GPRC6A: variants seen among roughly 807,000 people sequenced by gnomAD.
The protein encoded by GPRC6A is G protein-coupled receptor family C group 6 member A.
In GPRC6A, 54 loss-of-function variants were observed where a neutral mutation model predicts 47.0. The ratio of observed to expected loss-of-function variants is 1.15; its 90% CI spans 0.92 to 1.44. The LOEUF is 1.44. Ranked by LOEUF, GPRC6A falls within the 40% of genes most tolerant of loss-of-function variation. The probability of loss-of-function intolerance (pLI) is 0.00; values close to 1 mark genes in which losing one functional copy is unlikely to be tolerated. For synonymous variants in GPRC6A, 347 were observed against 377.1 expected (o/e 0.92, Z 0.93); for missense variants, 1,112 against 1,105.5 (o/e 1.01, Z -0.08).
At chr6:116,805,256 A>T (rs73765863) in intron 3 of GPRC6A, among the ~76,000 whole-genome samples, 191 of 152,132 alleles carry the variant, frequency 1.3e-3, no homozygotes, top group African/African-American at 4.4e-3. Context: ...GGTGAAAAGT[A>T]GTTTAAAAGT....
Position 116,809,433 on chromosome 6 carries a change from C to T in GPRC6A, c.379G>A (p.Val127Met). 1 of 1,613,614 alleles carries T rather than the reference C, an allele frequency of 6.2e-7. No individual in the cohort carries two copies. The highest frequency in any genetic ancestry group is 8.5e-7 in the Non-Finnish European group (1 of 1,179,676). Residue 127 changes from valine to methionine, a missense_variant, in exon 2 of 6, where the codon GTG becomes ATG. Val to Met is a conservative substitution (Grantham distance 21, BLOSUM62 1). Coordinates refer to ENST00000310357, the MANE Select transcript of GPRC6A (RefSeq NM_148963.4). The stretch of plus-strand genomic sequence containing the variant: ...CTGGAATAGTCACACTTAAACTCCA[C>T]AGTTTCTCTGGAGCAGTTGAATTTA... ...LSKFNCSRET[V>M]EFKCDYSSYM...
chr6:116,800,876 T>C, intron 3 of GPRC6A, 80 bp from the exon 4 acceptor site: 2 of 791,014 alleles, frequency 2.5e-6, no homozygotes, highest in East Asian at 2.6e-5. Context: ...AACACTGCCT[T>C]ATAAAGCATA....
At position 116,792,099 on chromosome 6, in the gene GPRC6A, T is replaced by C; in HGVS notation, c.*43A>G. On this transcript the variant is annotated 3_prime_UTR_variant, in exon 6 of 6. Transcript: ENST00000310357. ...ATTTATATCTTAGATGCAAAGACCCTGGAAACATTTTATTCTGGAATGTGG... is the reference window on the plus strand; with the variant it reads ...ATTTATATCTTAGATGCAAAGACCCCGGAAACATTTTATTCTGGAATGTGG... 6.6e-7 allele frequency: 1 copy of C among 1,519,496 alleles called. No homozygotes were observed. Among genetic ancestry groups the C allele is most frequent in the Non-Finnish European group, 8.9e-7 (1 of 1,120,552 alleles). 94.1% of individuals were successfully genotyped at this position (1,519,496 alleles called of 1,614,324 possible).
intron 1 of GPRC6A, 98 bp from the exon 2 acceptor site, chr6:116,809,715 A>G: frequency 1.4e-6 from 1 of 739,350 alleles, no homozygotes; most frequent in South Asian, 1.8e-5. Flanking sequence ...CAATTTCTGG[A>G]TGAGTGAAGC....
At chr6:116,825,278 A>C (rs1052433850) in intron 1 of GPRC6A, among the ~76,000 whole-genome samples, 1 of 152,052 alleles carries the variant, frequency 6.6e-6, no homozygotes, top group Non-Finnish European at 1.5e-5. Context: ...TACACATTGA[A>C]ATAGAGGAAG....
intron 1 of GPRC6A, among the ~76,000 whole-genome samples, chr6:116,821,942 A>C (rs1198652326): frequency 6.7e-6 from 1 of 149,362 alleles, no homozygotes; most frequent in Non-Finnish European, 1.5e-5. Context: ...AATGGGAGAA[A>C]ATTTTCACAA....
Position 116,795,703 on chromosome 6 carries a change from T to C in GPRC6A, c.1672+9A>G. On this transcript the variant is annotated intron_variant, in intron 5 of 5. Transcript: ENST00000310357. ...ATGATTCAGGTGTATGTGGAGTGAC[T>C]GTGATTACCTGTCTGATTAGTGTAA... 4.4e-6 allele frequency: 7 copies of C among 1,600,716 alleles called. No homozygotes were observed. Among genetic ancestry groups the C allele is most frequent in the Non-Finnish European group, 6.0e-6 (7 of 1,171,646 alleles).
chr6:116,825,410 G>C (rs1358754497), intron 1 of GPRC6A, among the ~76,000 whole-genome samples: 1 of 151,602 alleles, frequency 6.6e-6, no homozygotes, highest in Non-Finnish European at 1.5e-5. Context: ...ATATCAATAG[G>C]ATTTTTGTAC....
At chr6:116,828,514 T>C (rs1773740721) in intron 1 of GPRC6A, among the ~76,000 whole-genome samples, 1 of 152,118 alleles carries the variant, frequency 6.6e-6, no homozygotes, top group African/African-American at 2.4e-5. Flanking sequence ...TGTATGCTTG[T>C]AGTGAAAAAT....
chr6:116,812,948 T>A (rs997541981), intron 1 of GPRC6A, among the ~76,000 whole-genome samples: 1 of 152,154 alleles, frequency 6.6e-6, no homozygotes, highest in Admixed American at 6.5e-5. Context: ...ATCACAAGCA[T>A]TCCTATACAC....
intron 1 of GPRC6A, among the ~76,000 whole-genome samples, chr6:116,815,237 CT>C (rs1562485464): frequency 6.6e-6 from 1 of 152,254 alleles, no homozygotes; most frequent in East Asian, 1.9e-4. Context: ...AATCCCAGCA[CT>C]TTGGGAGGCT....
At position 116,800,772 on chromosome 6, in the gene GPRC6A, TCA is replaced by T. The variant is rs748909478; in HGVS notation, c.1358_1359del (p.Val453AspfsTer4). ...AATGAATTCCATCCATCAGTGAATG[TCA>T]CATTTTTTAGCACACCAAGTAACTA... ...PWELLGVLKNVTFTDGWNSFH... is the reference protein window; with the variant it reads ...PWELLGVLKNXTFTDGWNSFH... On this transcript the variant is annotated frameshift_variant, in exon 4 of 6. Transcript: ENST00000310357. LOFTEE classifies it high-confidence loss of function. The T allele has an allele frequency of 6.2e-7, 1 of 1,608,118 alleles. No homozygotes were observed. Among genetic ancestry groups the T allele is most frequent in the Admixed American group, 1.7e-5 (1 of 59,948 alleles).
intron 4 of GPRC6A, among the ~76,000 whole-genome samples, chr6:116,799,212 C>T (rs66806850): frequency 0.24 from 37,003 of 152,004 alleles, 5,071 homozygotes; most frequent in Non-Finnish European, 0.31. Context: ...GTCAACTAGG[C>T]AGTTGTATAT....
intron 4 of GPRC6A, among the ~76,000 whole-genome samples, chr6:116,798,769 G>C (rs1003356335): frequency 1.3e-5 from 2 of 151,780 alleles, no homozygotes; most frequent in African/African-American, 4.8e-5. Context: ...TGTAATCCCA[G>C]CTACTCGGGA....
intron 1 of GPRC6A, among the ~76,000 whole-genome samples, chr6:116,816,683 C>T (rs953104581): frequency 6.6e-6 from 1 of 152,244 alleles, no homozygotes; most frequent in East Asian, 1.9e-4. Flanking sequence ...GGTGCACGCA[C>T]CGTGCGCGAA....
intron 3 of GPRC6A, among the ~76,000 whole-genome samples, chr6:116,801,355 CA>C (rs1217077492): frequency 1.3e-5 from 2 of 152,052 alleles, no homozygotes; most frequent in Non-Finnish European, 2.9e-5. Flanking sequence ...AGAGTTAGGA[CA>C]AAAAATATTT....
At chr6:116,809,273 A>G (rs1188442501) in intron 2 of GPRC6A, 41 bp downstream of exon 2, 3 of 1,519,052 alleles carry the variant, frequency 2.0e-6, no homozygotes, top group South Asian at 2.3e-5. Flanking sequence ...ATAATAACAA[A>G]TGTGATCAAA....
In GPRC6A at chr6:116,792,513, T is replaced by G. The variant is rs774043932; in HGVS notation, c.2410A>C (p.Thr804Pro). Reference sequence around the variant, plus strand: ...GCTGGTACATATTTGCCAAATGTGGTAGCATAGATAGGGATGAATGTGATC... The same window carrying G: ...GCTGGTACATATTTGCCAAATGTGGGAGCATAGATAGGGATGAATGTGATC... ...AWITFIPIYA[T>P]TFGKYVPAVE... Residue 804 changes from threonine to proline, a missense_variant, in exon 6 of 6, where the codon ACC (threonine) becomes CCC (proline). Physicochemically the swap from Thr to Pro is conservative, Grantham distance 38 (BLOSUM62 -1). Transcript: ENST00000310357. 6.2e-7 allele frequency: 1 copy of G among 1,613,694 alleles called. No homozygotes were observed. Among genetic ancestry groups the G allele is most frequent in the African/African-American group, 1.3e-5 (1 of 74,922 alleles).
chr6:116,819,516 C>G (rs1442228111), intron 1 of GPRC6A, among the ~76,000 whole-genome samples: 1 of 152,096 alleles, frequency 6.6e-6, no homozygotes, highest in Non-Finnish European at 1.5e-5. Flanking sequence ...ATCTCTCAGA[C>G]CACAGTGCAA....
Sources: allele counts gnomAD v4.1 joint callset (sites outside exome capture counted in the v4.1 genomes callset), GRCh38; gene constraint gnomAD v4.1.1; transcripts MANE v1.5; gene names NCBI Gene and HGNC (gene_info 2026-07-23, HGNC 2026-07-21).